LDAH: variants seen among roughly 807,000 people sequenced by gnomAD.
The protein encoded by LDAH is lipid droplet-associated hydrolase.
A neutral mutation model predicts 29.6 loss-of-function variants in LDAH; 26 were observed. The ratio of observed to expected loss-of-function variants is 0.88; its 90% CI spans 0.64 to 1.22. The LOEUF is 1.22. LDAH is among the 50% of genes most tolerant of loss of function. The pLI is 0.00. For missense variants in LDAH, 344 were observed against 387.3 expected (o/e 0.89, Z 0.94); for synonymous variants, 117 against 133.0 (o/e 0.88, Z 0.83).
chr2:20,728,813 G>T lies in LDAH; in HGVS notation c.703+11158C>A, dbSNP rs1666200146. On this transcript the variant is annotated intron_variant, in intron 5 of 6. Transcript: ENST00000237822. The stretch of plus-strand genomic sequence containing the variant: ...AGGTTACACACACTGGGTAGGTTAT[G>T]GGGAAAAAAAAAAATCAGAGACCAC... Among the ~76,000 whole-genome samples the T allele has an allele frequency of 2.7e-5, 4 of 150,438 alleles. No homozygotes were observed. In the South Asian group the frequency reaches 6.3e-4, roughly 24 times the overall value.
Position 20,686,844 on chromosome 2 carries a change from A to G in LDAH, c.*59T>C. On this transcript the variant is annotated 3_prime_UTR_variant, in exon 7 of 7. Coordinates refer to ENST00000237822, the MANE Select transcript of LDAH (RefSeq NM_021925.4). Reference sequence around the variant, plus strand: ...TTCAAAATTAAACATTTACCTACTAAGTCTAGTACACTGACTGCCTCCATG... The same window carrying G: ...TTCAAAATTAAACATTTACCTACTAGGTCTAGTACACTGACTGCCTCCATG... 4.3e-6 allele frequency: 6 copies of G among 1,393,434 alleles called. No homozygotes were observed. Among genetic ancestry groups the G allele is most frequent in the Non-Finnish European group, 5.9e-6 (6 of 1,019,818 alleles). 86.3% of individuals were successfully genotyped at this position (1,393,434 alleles called of 1,614,324 possible).
At chr2:20,809,702 G>C (rs1672338202) in intron 1 of LDAH, among the ~76,000 whole-genome samples, 1 of 152,038 alleles carries the variant, frequency 6.6e-6, no homozygotes, top group Non-Finnish European at 1.5e-5. Flanking sequence ...ATTTGAACAG[G>C]CACTTCACAA....
Position 20,696,475 on chromosome 2 carries a change from C to T in LDAH, c.786+5095G>A, listed in dbSNP as rs546754431. Among the ~76,000 whole-genome samples the T allele has an allele frequency of 2.6e-5, 4 of 152,352 alleles. No homozygotes were observed. In the South Asian group the frequency reaches 8.3e-4, roughly 32 times the overall value. On this transcript the variant is annotated intron_variant, in intron 6 of 6. Coordinates refer to ENST00000237822, the MANE Select transcript of LDAH (RefSeq NM_021925.4). ...TGCCTAACTTCATCTGAAAGCTGCACTTCATGTGTTCTCTTTGGAGCAATT... is the reference window on the plus strand; with the variant it reads ...TGCCTAACTTCATCTGAAAGCTGCATTTCATGTGTTCTCTTTGGAGCAATT...
chr2:20,773,416 G>A (rs1237956702), intron 4 of LDAH, among the ~76,000 whole-genome samples: 2 of 151,994 alleles, frequency 1.3e-5, no homozygotes, highest in Admixed American at 6.6e-5. Flanking sequence ...GGCAGAGCTG[G>A]ACACCATAAA....
At chr2:20,775,554 G>C (rs1558467157) in intron 3 of LDAH, among the ~76,000 whole-genome samples, 1 of 152,148 alleles carries the variant, frequency 6.6e-6, no homozygotes, top group Non-Finnish European at 1.5e-5. Flanking sequence ...AACTAAGAAA[G>C]TCCATGACAT....
At chr2:20,774,203 T>C (rs1341137582) in intron 4 of LDAH, among the ~76,000 whole-genome samples, 1 of 152,240 alleles carries the variant, frequency 6.6e-6, no homozygotes, top group Non-Finnish European at 1.5e-5. Context: ...TTCACTTGCT[T>C]TCCTGGGCAC....
chr2:20,714,551 T>G (rs1398975239), intron 5 of LDAH, among the ~76,000 whole-genome samples: 1 of 151,758 alleles, frequency 6.6e-6, no homozygotes, highest in African/African-American at 2.4e-5. Flanking sequence ...CTGAAAGAGG[T>G]AGAGACACAA....
intron 4 of LDAH, among the ~76,000 whole-genome samples, chr2:20,767,980 G>A (rs1669155242): frequency 6.6e-6 from 1 of 152,148 alleles, no homozygotes; most frequent in Non-Finnish European, 1.5e-5. Flanking sequence ...GCAGAGAGGA[G>A]CTACCCTCTC....
At chr2:20,744,807 C>T (rs1165587822) in intron 4 of LDAH, among the ~76,000 whole-genome samples, 1 of 152,158 alleles carries the variant, frequency 6.6e-6, no homozygotes, top group Non-Finnish European at 1.5e-5. Flanking sequence ...GAGTTTAAAA[C>T]TTTCAGAGTT....
Position 20,779,258 on chromosome 2 carries a change from C to G in LDAH, c.299-4279G>C, listed in dbSNP as rs115151827. 3.9e-3 allele frequency among the ~76,000 whole-genome samples: 592 copies of G among 152,168 alleles called. 5 individuals are homozygous for G. Among genetic ancestry groups the G allele is most frequent in the African/African-American group, 0.013 (543 of 41,512 alleles). On this transcript the variant is annotated intron_variant, in intron 3 of 6. Coordinates refer to ENST00000237822, the MANE Select transcript of LDAH (RefSeq NM_021925.4). Reference sequence around the variant, plus strand: ...TTTGATCAAGATGAAAATACAGTTTCCTTGTGAAGCATGTTCTCACCCATA... The same window carrying G: ...TTTGATCAAGATGAAAATACAGTTTGCTTGTGAAGCATGTTCTCACCCATA...
At chr2:20,812,796 G>A (rs1672587185) in intron 1 of LDAH, among the ~76,000 whole-genome samples, 1 of 152,208 alleles carries the variant, frequency 6.6e-6, no homozygotes, top group Admixed American at 6.5e-5. Context: ...ATGTCCAAGA[G>A]CGTAAGAACC....
chr2:20,751,135 T>C (rs1351721276), intron 4 of LDAH, among the ~76,000 whole-genome samples: 1 of 152,202 alleles, frequency 6.6e-6, no homozygotes, highest in Non-Finnish European at 1.5e-5. Context: ...ACCCCCGGTA[T>C]CTAAAATAAA....
At chr2:20,751,739 A>G (rs181286981) in intron 4 of LDAH, among the ~76,000 whole-genome samples, 1 of 152,388 alleles carries the variant, frequency 6.6e-6, no homozygotes, top group East Asian at 1.9e-4. Context: ...CATGAAAGAC[A>G]GCACAACAAA....
At chr2:20,689,173 C>CT (rs1392132042) in intron 6 of LDAH, among the ~76,000 whole-genome samples, 6 of 152,098 alleles carry the variant, frequency 3.9e-5, no homozygotes, top group South Asian at 2.1e-4. Flanking sequence ...TGAACTCATC[C>CT]TTTTTTATGA....
At chr2:20,758,531 T>C (rs1362815921) in intron 4 of LDAH, among the ~76,000 whole-genome samples, 8 of 152,196 alleles carry the variant, frequency 5.3e-5, no homozygotes, top group Non-Finnish European at 1.0e-4. Flanking sequence ...GTATGCAGAT[T>C]ATGCTCTAGT....
At chr2:20,755,935 A>T (rs1668308797) in intron 4 of LDAH, among the ~76,000 whole-genome samples, 1 of 152,286 alleles carries the variant, frequency 6.6e-6, no homozygotes, top group Admixed American at 6.5e-5. Flanking sequence ...ACACCAAAAA[A>T]AGTTGGATAC....
chr2:20,776,219 T>C (rs1279202491), intron 3 of LDAH, among the ~76,000 whole-genome samples: 1 of 152,130 alleles, frequency 6.6e-6, no homozygotes, highest in Non-Finnish European at 1.5e-5. Flanking sequence ...TTCTGTTTTG[T>C]TTGTATATGG....
chr2:20,745,361 G>A (rs1268635157), intron 4 of LDAH, among the ~76,000 whole-genome samples: 1 of 152,126 alleles, frequency 6.6e-6, no homozygotes, highest in African/African-American at 2.4e-5. Context: ...ACAGGTGTTA[G>A]GTGATATATC....
chr2:20,787,527 C>T (rs1670639606), intron 3 of LDAH, among the ~76,000 whole-genome samples: 1 of 152,152 alleles, frequency 6.6e-6, no homozygotes, highest in Non-Finnish European at 1.5e-5. Context: ...TTCCTGGCCT[C>T]ACATGATCTG....
Sources: allele counts gnomAD v4.1 joint callset (sites outside exome capture counted in the v4.1 genomes callset), GRCh38; gene constraint gnomAD v4.1.1; transcripts MANE v1.5; gene names NCBI Gene and HGNC (gene_info 2026-07-23, HGNC 2026-07-21).